Variants in DNAI4 observed in about 807,000 individuals in gnomAD.
DNAI4 encodes the protein WD repeat domain 78.
Under a neutral mutation model 105.8 loss-of-function variants are expected in DNAI4, and 85 were observed. The observed-to-expected ratio is 0.80, with a 90% CI of 0.67 to 0.96. DNAI4 has a LOEUF of 0.96. DNAI4 is among the 40% of genes least tolerant of loss of function. The pLI is 0.00. For synonymous variants in DNAI4, 352 were observed against 331.5 expected, an observed-to-expected ratio of 1.06 and a Z score of -0.67; for missense variants, 1,014 against 1,005.6, an observed-to-expected ratio of 1.01 and a Z score of -0.11.
intron 6 of DNAI4, among the ~76,000 whole-genome samples, chr1:66,867,129 G>T (rs987241695): frequency 2.6e-5 from 4 of 152,208 alleles, no homozygotes; most frequent in Admixed American, 2.6e-4. Flanking sequence ...AATTCAAGAT[G>T]AGATTTGGGT....
rs757151374 is a variant in DNAI4, at chr1:66,874,833, C to CA, written c.747dup (p.Asp250Ter). 6.2e-7 allele frequency: 1 copy of CA among 1,613,564 alleles called. No individual in the cohort carries two copies. The highest frequency in any genetic ancestry group is 8.5e-7 in the Non-Finnish European group (1 of 1,179,738). The stretch of plus-strand genomic sequence containing the variant: ...ACAGAGACCATGACTGTGGGCAAGT[C>CA]AAAAAATCTCAGTGTTTCTGTCTCT... On this transcript the variant is annotated frameshift_variant, in exon 5 of 17. Coordinates refer to ENST00000371026, the MANE Select transcript of DNAI4 (RefSeq NM_024763.5). LOFTEE classifies it high-confidence loss of function.
At chr1:66,888,920 G>A (rs1026093634) in intron 4 of DNAI4, among the ~76,000 whole-genome samples, 21 of 152,306 alleles carry the variant, frequency 1.4e-4, no homozygotes, top group African/African-American at 4.6e-4. Flanking sequence ...CTAAGCAAAA[G>A]AGGATGCAAT....
chr1:66,852,812 C>G (rs1270990800), intron 7 of DNAI4, among the ~76,000 whole-genome samples: 1 of 152,156 alleles, frequency 6.6e-6, no homozygotes, highest in Non-Finnish European at 1.5e-5. Context: ...ATAATTAACT[C>G]ATGAGAGTGG....
chr1:66,831,347 T>C (rs1002481601), intron 13 of DNAI4, among the ~76,000 whole-genome samples: 1 of 152,128 alleles, frequency 6.6e-6, no homozygotes, highest in Non-Finnish European at 1.5e-5. Context: ...AAGAAAACTA[T>C]AGATCAATCT....
chr1:66,875,635 A>G (rs1292360165), intron 4 of DNAI4, among the ~76,000 whole-genome samples: 2 of 152,134 alleles, frequency 1.3e-5, no homozygotes, highest in African/African-American at 4.8e-5. Context: ...GAGAAAGTAT[A>G]TAAGTGAGAG....
chr1:66,914,690 A>G (rs928244759), intron 1 of DNAI4, among the ~76,000 whole-genome samples: 2 of 152,186 alleles, frequency 1.3e-5, no homozygotes, highest in African/African-American at 4.8e-5. Flanking sequence ...ATCAAGAATC[A>G]GAAAATCTAA....
chr1:66,817,556 G>C lies in DNAI4; in HGVS notation c.2497-3376C>G, dbSNP rs566855585. On this transcript the variant is annotated intron_variant, in intron 16 of 16. Coordinates refer to ENST00000371026, the MANE Select transcript of DNAI4 (RefSeq NM_024763.5). The stretch of plus-strand genomic sequence containing the variant: ...CCACTACACTCCAGCCTAGGCAAAA[G>C]AGTGAGACCTTTTCTAAAAGAAAAA... Among the ~76,000 whole-genome samples, 4 of 151,460 alleles carry C rather than the reference G, an allele frequency of 2.6e-5. No individual in the cohort carries two copies. In the East Asian group the frequency reaches 5.8e-4, roughly 22 times the overall value.
intron 1 of DNAI4, 90 bp from the exon 2 acceptor site, chr1:66,905,465 CAT>C (rs1300573840): frequency 2.5e-6 from 2 of 805,528 alleles, no homozygotes; most frequent in East Asian, 3.0e-5. Context: ...CCTGTAAAAA[CAT>C]GTGAACAATC....
intron 10 of DNAI4, chr1:66,837,464 T>A (rs1646052351): frequency 2.6e-6 from 1 of 385,502 alleles, no homozygotes; most frequent in African/African-American, 2.1e-5. Flanking sequence ...GTTCAACTCT[T>A]CATCATCATA....
chr1:66,848,904 C>T (rs966264293), intron 7 of DNAI4, among the ~76,000 whole-genome samples: 4 of 152,192 alleles, frequency 2.6e-5, no homozygotes, highest in African/African-American at 9.7e-5. Flanking sequence ...TGACGAAGGC[C>T]TAGAGGGAGC....
At chr1:66,877,957 T>C (rs1646991755) in intron 4 of DNAI4, among the ~76,000 whole-genome samples, 1 of 152,156 alleles carries the variant, frequency 6.6e-6, no homozygotes. Context: ...TCATTGATGG[T>C]GTTAATCTTG....
At chr1:66,859,745 A>C (rs143636270) in intron 7 of DNAI4, among the ~76,000 whole-genome samples, 522 of 152,288 alleles carry the variant, frequency 3.4e-3, no homozygotes, top group African/African-American at 0.012. Flanking sequence ...ACAATGTGGA[A>C]AAGACGAAAC....
chr1:66,924,614 C>T lies in DNAI4; in HGVS notation c.170+48G>A, dbSNP rs767583552. 1.9e-6 allele frequency: 3 copies of T among 1,613,880 alleles called. No individual in the cohort carries two copies. The African/African-American group carries it at 4.0e-5, about 22-fold the overall frequency. ...TGGTATCTATTAATAGAAGGGCTCCCTCCGGGTCCCAGGGGGATGGACTAC... is the reference window on the plus strand; with the variant it reads ...TGGTATCTATTAATAGAAGGGCTCCTTCCGGGTCCCAGGGGGATGGACTAC... On this transcript the variant is annotated intron_variant, in intron 1 of 16. Coordinates refer to ENST00000371026, the MANE Select transcript of DNAI4 (RefSeq NM_024763.5).
chr1:66,905,396 A>G, intron 1 of DNAI4, 21 bp from the exon 2 acceptor site: 1 of 1,399,552 alleles, frequency 7.1e-7, no homozygotes, highest in Non-Finnish European at 9.4e-7. Flanking sequence ...AAAATAAAAT[A>G]TAATGCAAAG....
chr1:66,870,306 G>C (rs1376515420), intron 6 of DNAI4, among the ~76,000 whole-genome samples: 4 of 151,988 alleles, frequency 2.6e-5, no homozygotes, highest in African/African-American at 9.7e-5. Context: ...GCTGGCCATG[G>C]TGGTGGGCAC....
At chr1:66,859,407 G>A (rs1339083350) in intron 7 of DNAI4, among the ~76,000 whole-genome samples, 3 of 152,072 alleles carry the variant, frequency 2.0e-5, no homozygotes, top group African/African-American at 4.8e-5. Context: ...TAAAAGGCTA[G>A]GGATACTCTT....
chr1:66,820,838 A>G (rs1645609631), intron 16 of DNAI4, among the ~76,000 whole-genome samples: 1 of 151,976 alleles, frequency 6.6e-6, no homozygotes. Flanking sequence ...TAACATTTGT[A>G]GTCTGTATGG....
At chr1:66,916,531 A>G (rs1650085427) in intron 1 of DNAI4, among the ~76,000 whole-genome samples, 1 of 152,082 alleles carries the variant, frequency 6.6e-6, no homozygotes, top group Non-Finnish European at 1.5e-5. Context: ...AAGCCATTCA[A>G]CTCTTCAAGG....
chr1:66,883,481 T>C (rs979976728), intron 4 of DNAI4, among the ~76,000 whole-genome samples: 1 of 152,142 alleles, frequency 6.6e-6, no homozygotes, highest in Non-Finnish European at 1.5e-5. Flanking sequence ...TTTTGCCATG[T>C]TGGCCAGGCT....
Sources: allele counts gnomAD v4.1 joint callset (sites outside exome capture counted in the v4.1 genomes callset), GRCh38; gene constraint gnomAD v4.1.1; transcripts MANE v1.5; gene names NCBI Gene and HGNC (gene_info 2026-07-23, HGNC 2026-07-21).